LHFPL3: variants seen among roughly 807,000 people sequenced by gnomAD.
LHFPL3 encodes the protein LHFPL tetraspan subfamily member 3.
Under a neutral mutation model 19.3 loss-of-function variants are expected in LHFPL3, and 5 were observed. The ratio of observed to expected loss-of-function variants is 0.26; its 90% confidence interval spans 0.14 to 0.54. LHFPL3 has a LOEUF of 0.54. Ranked by LOEUF, LHFPL3 falls within the 20% of genes least tolerant of loss-of-function variation. LHFPL3 has a pLI of 0.94. For missense variants in LHFPL3, 249 were observed against 307.4 expected (o/e 0.81, Z 1.42); for synonymous variants, 133 against 126.2 (o/e 1.05, Z -0.36).
chr7:104,369,827 T>C lies in LHFPL3; in HGVS notation c.445+40603T>C, dbSNP rs561593643. ...TGCTTATTAGCCATTCACATCTTAGTTGGTAAATTTCTATTCAAGTATTTG... is the reference window on the plus strand; with the variant it reads ...TGCTTATTAGCCATTCACATCTTAGCTGGTAAATTTCTATTCAAGTATTTG... On this transcript the variant is annotated intron_variant, in intron 1 of 2. Coordinates refer to ENST00000424859, the MANE Select transcript of LHFPL3 (RefSeq NM_199000.3). Among the ~76,000 whole-genome samples, 3 of 152,348 alleles carry C rather than the reference T, an allele frequency of 2.0e-5. No individual in the cohort carries two copies. The South Asian group carries it at 6.2e-4, about 32-fold the overall frequency.
At chr7:104,688,139 T>C (rs949955055) in intron 1 of LHFPL3, among the ~76,000 whole-genome samples, 167 of 152,336 alleles carry the variant, frequency 1.1e-3, no homozygotes, top group Non-Finnish European at 3.2e-4. Flanking sequence ...TGGTTCTATA[T>C]ATAATACCTT....
At chr7:104,498,984 A>G (rs1320662169) in intron 1 of LHFPL3, among the ~76,000 whole-genome samples, 1 of 152,084 alleles carries the variant, frequency 6.6e-6, no homozygotes, top group African/African-American at 2.4e-5. Context: ...TTCCATGAGG[A>G]CAGTGGGTCT....
At chr7:104,794,077 T>C (rs1790072116) in intron 2 of LHFPL3, among the ~76,000 whole-genome samples, 1 of 152,192 alleles carries the variant, frequency 6.6e-6, no homozygotes, top group African/African-American at 2.4e-5. Context: ...ACACGTATGA[T>C]CGGCACACTT....
chr7:104,895,186 A>G (rs1470662045), intron 2 of LHFPL3: 1 of 152,200 alleles, frequency 6.6e-6, no homozygotes, highest in Non-Finnish European at 1.5e-5. Flanking sequence ...CCATGTGTAT[A>G]TCCTGGATAT....
In LHFPL3 at chr7:104,600,707, A is replaced by G. The variant is rs542505006; in HGVS notation, c.446-135968A>G. ...GGCAAAGCCAAGGACAAAGATCTTC[A>G]AGCTTAAATAGCACCCTATGGCCTA... On this transcript the variant is annotated intron_variant, in intron 1 of 2. Transcript: ENST00000424859. Among the ~76,000 whole-genome samples the G allele has an allele frequency of 5.3e-5, 8 of 152,344 alleles. No individual in the cohort carries two copies. The South Asian group carries it at 1.7e-3, about 32-fold the overall frequency.
intron 1 of LHFPL3, among the ~76,000 whole-genome samples, chr7:104,548,451 T>C (rs1348956568): frequency 6.6e-6 from 1 of 152,160 alleles, no homozygotes; most frequent in African/African-American, 2.4e-5. Flanking sequence ...ATTTACAAAG[T>C]TTATTTGCCA....
chr7:104,861,829 T>C (rs1791624372), intron 2 of LHFPL3, among the ~76,000 whole-genome samples: 1 of 152,126 alleles, frequency 6.6e-6, no homozygotes, highest in Non-Finnish European at 1.5e-5. Flanking sequence ...AGCATTTCTG[T>C]CAGGCAAGCT....
At chr7:104,659,136 G>A (rs1047047179) in intron 1 of LHFPL3, among the ~76,000 whole-genome samples, 2 of 152,200 alleles carry the variant, frequency 1.3e-5, no homozygotes, top group Non-Finnish European at 2.9e-5. Flanking sequence ...CCTGCTAAAT[G>A]AGACCCTGCC....
chr7:104,333,385 A>G (rs1378159111), intron 1 of LHFPL3, among the ~76,000 whole-genome samples: 2 of 152,208 alleles, frequency 1.3e-5, no homozygotes, highest in Non-Finnish European at 2.9e-5. Flanking sequence ...ATCTGTGGAG[A>G]TGGGACACCT....
intron 1 of LHFPL3, among the ~76,000 whole-genome samples, chr7:104,430,406 A>ATATATG (rs1562895155): frequency 3.2e-5 from 1 of 31,408 alleles, no homozygotes; most frequent in African/African-American, 2.1e-4. Flanking sequence ...ATATATATAC[A>ATATATG]TATATATATA....
chr7:104,328,935 G>T lies in LHFPL3; in HGVS notation c.156G>T (p.Val52=). The change falls in exon 1 of 3, where the codon GTG becomes GTT. Residue 52 remains valine (V), a synonymous_variant. Transcript: ENST00000424859. This position sits in a 1 kb window ranked among gnomAD's most constrained non-coding sequence, Gnocchi z 4.6. ...CCATCTGCTTTGCCATCGTCAACGT[G>T]GTGTGCTTCATCCAGCCCTACTGGA... The part of the protein sequence containing the change: ...IFTICFAIVN[V]VCFIQPYWIG... 1 of 1,614,192 alleles carries T rather than the reference G, an allele frequency of 6.2e-7. No individual in the cohort carries two copies. Among genetic ancestry groups the T allele is most frequent in the Non-Finnish European group, 8.5e-7 (1 of 1,180,036 alleles).
chr7:104,479,016 C>A (rs1454725937), intron 1 of LHFPL3, among the ~76,000 whole-genome samples: 3 of 152,128 alleles, frequency 2.0e-5, no homozygotes, highest in African/African-American at 7.2e-5. Context: ...TTACTAGCAC[C>A]ACTCCTAAGA....
intron 2 of LHFPL3, among the ~76,000 whole-genome samples, chr7:104,840,793 ATCACCCAAATAAAAAATAC>A (rs1791188248): frequency 6.6e-6 from 1 of 152,106 alleles, no homozygotes; most frequent in African/African-American, 2.4e-5. Context: ...TTTAGTGAAA[ATCACCCAAATAAAAAATAC>A]TCAGAAGAAC....
intron 1 of LHFPL3, among the ~76,000 whole-genome samples, chr7:104,371,858 C>T (rs1161640899): frequency 6.6e-6 from 1 of 152,170 alleles, no homozygotes; most frequent in Non-Finnish European, 1.5e-5. Context: ...CCCCATTCCA[C>T]AAATAGACAT....
chr7:104,893,681 G>A (rs1389791158), intron 2 of LHFPL3, among the ~76,000 whole-genome samples: 1 of 152,164 alleles, frequency 6.6e-6, no homozygotes, highest in Non-Finnish European at 1.5e-5. Context: ...GCTCAGTGCA[G>A]TGGCTCACGC....
chr7:104,814,360 G>A (rs1174479338), intron 2 of LHFPL3, among the ~76,000 whole-genome samples: 2 of 152,068 alleles, frequency 1.3e-5, no homozygotes, highest in African/African-American at 4.8e-5. Flanking sequence ...CTGCAGCTCT[G>A]AGCAGAGAGG....
chr7:104,470,037 G>A (rs748646954), intron 1 of LHFPL3: 4 of 455,930 alleles, frequency 8.8e-6, no homozygotes, highest in African/African-American at 2.0e-5. Flanking sequence ...TGAACTTCGG[G>A]TGTTTACTGC....
intron 1 of LHFPL3, among the ~76,000 whole-genome samples, chr7:104,446,923 A>G (rs760774336): frequency 2.0e-5 from 3 of 152,118 alleles, no homozygotes; most frequent in Non-Finnish European, 2.9e-5. Flanking sequence ...TGTTTTTTAG[A>G]TTTTATCACC....
chr7:104,833,044 TTA>T (rs1554349407), intron 2 of LHFPL3, among the ~76,000 whole-genome samples: 1 of 1,058 alleles, frequency 9.5e-4, no homozygotes, highest in Non-Finnish European at 2.0e-3. Context: ...TATATATATA[TTA>T]TATATATATT....
Sources: gnomAD v4.1 joint callset for allele counts (sites outside exome capture counted in the v4.1 genomes callset) on GRCh38, gnomAD v4.1.1 for gene constraint, Gnocchi (gnomAD v3.1) non-coding constraint, MANE v1.5 for transcripts, NCBI Gene and HGNC (gene_info 2026-07-23, HGNC 2026-07-21) for gene names.